Variants in ERC1 observed in about 807,000 individuals in gnomAD.
ERC1 encodes the protein RAB6 interacting protein 2.
Under a neutral mutation model 132.0 loss-of-function variants are expected in ERC1, and 56 were observed. The ratio of observed to expected loss-of-function variants is 0.42; its 90% confidence interval spans 0.34 to 0.53. The LOEUF (loss-of-function observed/expected upper bound fraction) is 0.53. ERC1 is among the 20% of genes least tolerant of loss of function. The probability of loss-of-function intolerance (pLI) is 0.03; values close to 1 mark genes in which losing one functional copy is unlikely to be tolerated. For synonymous variants in ERC1, 478 were observed against 476.1 expected, an observed-to-expected ratio of 1.00 and a Z score of -0.05; for missense variants, 1,202 against 1,349.9, an observed-to-expected ratio of 0.89 and a Z score of 1.72.
At chr12:1,269,685 A>T (rs971263146) in intron 14 of ERC1, among the ~76,000 whole-genome samples, 1 of 152,180 alleles carries the variant, frequency 6.6e-6, no homozygotes, top group Non-Finnish European at 1.5e-5. Context: ...CTTCTAACTG[A>T]GGTATGCACA....
intron 2 of ERC1, among the ~76,000 whole-genome samples, chr12:1,031,986 T>C (rs1968130794): frequency 6.6e-6 from 1 of 152,112 alleles, no homozygotes; most frequent in African/African-American, 2.4e-5. Context: ...CAAGCTTCTC[T>C]GGTGGTTCTG....
At chr12:1,040,303 C>A (rs528660289) in intron 2 of ERC1, among the ~76,000 whole-genome samples, 18 of 149,784 alleles carry the variant, frequency 1.2e-4, no homozygotes, top group Non-Finnish European at 2.2e-4. Context: ...ACTCATTTTT[C>A]TTTTTCTTTT....
In ERC1 at chr12:1,456,474, TC is replaced by T. The variant is rs75786823; in HGVS notation, c.3213+11726del. ...ACCCCTAGCTGCAATCTTGTCAAGT[TC>T]CAGCAGCTGAGTAAACTTGGGTCAG... On this transcript the variant is annotated intron_variant, in intron 18 of 18. Transcript: ENST00000360905. 6.8e-3 allele frequency among the ~76,000 whole-genome samples: 1,042 copies of T among 152,182 alleles called. 20 individuals carry two copies. Among genetic ancestry groups the T allele is most frequent in the East Asian group, 0.062 (319 of 5,174 alleles).
At chr12:1,242,913 C>T (rs995482092) in intron 13 of ERC1, among the ~76,000 whole-genome samples, 9 of 152,132 alleles carry the variant, frequency 5.9e-5, no homozygotes, top group South Asian at 2.1e-4. Flanking sequence ...CGAGGCCGGG[C>T]GCGGTGGCTC....
intron 15 of ERC1, among the ~76,000 whole-genome samples, chr12:1,325,364 T>G (rs1366913021): frequency 6.6e-6 from 1 of 152,200 alleles, no homozygotes; most frequent in Non-Finnish European, 1.5e-5. Context: ...GAAAAAATGC[T>G]AAGAGTTTGT....
chr12:1,455,768 C>A (rs753310747), intron 18 of ERC1, among the ~76,000 whole-genome samples: 9 of 152,170 alleles, frequency 5.9e-5, no homozygotes, highest in Non-Finnish European at 8.8e-5. Context: ...TTTTCATTTT[C>A]AAAATTTCAA....
chr12:1,082,472 T>TG (rs1397833394), intron 2 of ERC1, among the ~76,000 whole-genome samples: 1 of 128,832 alleles, frequency 7.8e-6, no homozygotes, highest in African/African-American at 3.0e-5. Flanking sequence ...TATTTTTTGA[T>TG]GAAAAAAAAA....
At chr12:1,269,710 T>G (rs957102509) in intron 14 of ERC1, among the ~76,000 whole-genome samples, 1 of 152,218 alleles carries the variant, frequency 6.6e-6, no homozygotes, top group African/African-American at 2.4e-5. Flanking sequence ...TGAAAGTGCA[T>G]GAACACTTTC....
chr12:1,253,987 C>T (rs559964391), intron 13 of ERC1, among the ~76,000 whole-genome samples: 129 of 152,256 alleles, frequency 8.5e-4, no homozygotes, highest in South Asian at 2.3e-3. Flanking sequence ...AACCTCCTGC[C>T]GTGAACCCTG....
At chr12:1,457,261 A>G (rs1197846097) in intron 18 of ERC1, among the ~76,000 whole-genome samples, 1 of 152,190 alleles carries the variant, frequency 6.6e-6, no homozygotes, top group Non-Finnish European at 1.5e-5. Flanking sequence ...CATTTCTCAG[A>G]ATGTATCCCC....
At chr12:1,021,240 C>G (rs550185458) in intron 1 of ERC1, among the ~76,000 whole-genome samples, 1 of 152,042 alleles carries the variant, frequency 6.6e-6, no homozygotes, top group Admixed American at 6.5e-5. Flanking sequence ...TGCATCCAGC[C>G]GAGACTCTTA....
intron 10 of ERC1, among the ~76,000 whole-genome samples, chr12:1,182,428 A>G (rs774449947): frequency 3.3e-5 from 5 of 152,252 alleles, no homozygotes; most frequent in African/African-American, 4.8e-5. Flanking sequence ...TATAGCAACT[A>G]TCAAAGAACA....
In ERC1 at chr12:1,027,822, C is replaced by T. The variant is rs1474046190; in HGVS notation, c.-82C>T. On this transcript the variant is annotated 5_prime_UTR_variant, in exon 2 of 19. Coordinates refer to ENST00000360905, the MANE Select transcript of ERC1 (RefSeq NM_178040.4). ...TGATTAACCTTAAACCAACTTGTAG[C>T]CATAGAGACACCTCACAAGGTTCCC... 3 of 1,262,296 alleles carry T rather than the reference C, an allele frequency of 2.4e-6. No homozygotes were observed. Among genetic ancestry groups the T allele is most frequent in the Non-Finnish European group, 3.3e-6 (3 of 902,402 alleles). The allele number at this position is 1,262,296 out of a possible 1,614,324, so 78.2% of individuals were successfully genotyped here. A position where few individuals can be genotyped will look rare whatever the true frequency, so the allele number is the denominator to read the frequency against.
At chr12:1,400,914 G>GTTTTTTTTTTT (rs1566774897) in intron 16 of ERC1, among the ~76,000 whole-genome samples, 3 of 11,118 alleles carry the variant, frequency 2.7e-4, no homozygotes, top group Non-Finnish European at 1.5e-4. Flanking sequence ...GGCTATTTTT[G>GTTTTTTTTTTT]TATTTTTTTT....
chr12:1,456,723 A>G (rs1592171013), intron 18 of ERC1, among the ~76,000 whole-genome samples: 1 of 151,914 alleles, frequency 6.6e-6, no homozygotes, highest in East Asian at 1.9e-4. Context: ...ATAAGCAAGC[A>G]GAAGCTCGGA....
chr12:1,285,014 T>C (rs1488485596), intron 14 of ERC1, among the ~76,000 whole-genome samples: 1 of 152,264 alleles, frequency 6.6e-6, no homozygotes, highest in East Asian at 1.9e-4. Context: ...TTTTATGTCT[T>C]CTTTTGAGAA....
intron 9 of ERC1, among the ~76,000 whole-genome samples, chr12:1,181,336 T>C (rs1487804397): frequency 6.6e-6 from 1 of 152,182 alleles, no homozygotes; most frequent in Non-Finnish European, 1.5e-5. Flanking sequence ...TTAGGGTGTA[T>C]ATATAAGCTT....
chr12:1,167,849 C>T (rs138418601), intron 8 of ERC1, among the ~76,000 whole-genome samples: 64 of 151,548 alleles, frequency 4.2e-4, no homozygotes, highest in African/African-American at 1.4e-3. Flanking sequence ...CCTTAGTACT[C>T]GGGACTACAG....
chr12:1,359,562 G>A (rs529306297), intron 15 of ERC1, among the ~76,000 whole-genome samples: 1 of 152,286 alleles, frequency 6.6e-6, no homozygotes, highest in East Asian at 1.9e-4. Context: ...GCAGGTAAAA[G>A]GAGGCCACAC....
Sources: gnomAD v4.1 joint callset for allele counts (sites outside exome capture counted in the v4.1 genomes callset) on GRCh38, gnomAD v4.1.1 for gene constraint, MANE v1.5 for transcripts, NCBI Gene and HGNC (gene_info 2026-07-23, HGNC 2026-07-21) for gene names.